The following DR1 variants were observed in gnomAD, a reference collection of about 807,000 sequenced individuals.
DR1 encodes the protein down-regulator of transcription 1, also known as protein Dr1.
A neutral mutation model predicts 19.9 loss-of-function variants in DR1; 7 were observed. The observed-to-expected ratio is 0.35, with a 90% CI of 0.20 to 0.66. DR1 has a LOEUF of 0.66. Ranked by LOEUF, DR1 falls within the 30% of genes least tolerant of loss-of-function variation. The pLI, the probability that DR1 is intolerant of heterozygous loss-of-function variation, is 0.66. For missense variants in DR1, 98 were observed against 203.7 expected, an observed-to-expected ratio of 0.48 and a Z score of 3.16; for synonymous variants, 76 against 72.5, an observed-to-expected ratio of 1.05 and a Z score of -0.24.
At position 93,363,219 on chromosome 1, in the gene DR1, A is replaced by G. The variant is rs1172957798; in HGVS notation, c.*2580A>G. 6.6e-6 allele frequency: 1 copy of G among 152,144 alleles called. No homozygotes were observed. The highest frequency in any genetic ancestry group is 1.9e-4 in the East Asian group (1 of 5,204). The allele number at this position is 152,144 out of a possible 1,614,324, so 9.4% of individuals were successfully genotyped here. A position where few individuals can be genotyped will look rare whatever the true frequency, so the allele number is the denominator to read the frequency against. ...GTCTTCTTTCTTGCTGAAAGTTACT[A>G]TCCTGACTTCTAAAATCATAGATTA... On this transcript the variant is annotated 3_prime_UTR_variant, in exon 3 of 3. Transcript: ENST00000370272.
intron 1 of DR1, among the ~76,000 whole-genome samples, chr1:93,353,114 T>C (rs1381639521): frequency 6.6e-6 from 1 of 151,960 alleles, no homozygotes; most frequent in African/African-American, 2.4e-5. Flanking sequence ...GCGGTGGTCT[T>C]GAACTCCTGG....
At position 93,346,487 on chromosome 1, in the gene DR1, C is replaced by T; in HGVS notation, c.-159C>T. On this transcript the variant is annotated 5_prime_UTR_variant, in exon 1 of 3. Transcript: ENST00000370272. ...TCTCACACACGCGAGTGTTCCCAGC[C>T]CTCAAGCCAGCTGCTCCTCCGTTCA... 1.6e-6 allele frequency: 1 copy of T among 625,330 alleles called. No homozygotes were observed. Among genetic ancestry groups the T allele is most frequent in the South Asian group, 1.9e-5 (1 of 51,564 alleles). 38.7% of individuals were successfully genotyped at this position (625,330 alleles called of 1,614,324 possible).
rs911883446 is a variant in DR1, at chr1:93,365,532, T to C, written c.*4893T>C. On this transcript the variant is annotated 3_prime_UTR_variant, in exon 3 of 3. Transcript: ENST00000370272. Reference sequence around the variant, plus strand: ...GCCAACTGTCCCTGGGTGTTGCGAGTATAGGAGGCAAAATTGCACCCTGTT... The same window carrying C: ...GCCAACTGTCCCTGGGTGTTGCGAGCATAGGAGGCAAAATTGCACCCTGTT... The C allele has an allele frequency of 6.6e-6, 1 of 152,174 alleles. No individual in the cohort carries two copies. The highest frequency in any genetic ancestry group is 1.9e-4 in the East Asian group (1 of 5,184). 9.4% of individuals were successfully genotyped at this position (152,174 alleles called of 1,614,324 possible).
chr1:93,368,858 A>G lies in DR1; in HGVS notation c.*8219A>G, dbSNP rs1246643941. On this transcript the variant is annotated 3_prime_UTR_variant, in exon 3 of 3. Coordinates refer to ENST00000370272, the MANE Select transcript of DR1 (RefSeq NM_001938.3). ...TATTATAAACATGTTGTAAGTGAGG[A>G]AACTAAGATTCCAAGAAATTAAGTA... 1 of 152,158 alleles carries G rather than the reference A, an allele frequency of 6.6e-6. No homozygotes were observed. Among genetic ancestry groups the G allele is most frequent in the African/African-American group, 2.4e-5 (1 of 41,444 alleles). 9.4% of individuals were successfully genotyped at this position (152,158 alleles called of 1,614,324 possible). A position where few individuals can be genotyped will look rare whatever the true frequency, so the allele number is the denominator to read the frequency against.
At chr1:93,349,239 A>G (rs1183316051) in intron 1 of DR1, among the ~76,000 whole-genome samples, 1 of 152,068 alleles carries the variant, frequency 6.6e-6, no homozygotes, top group Admixed American at 6.5e-5. Context: ...TATCACCAGT[A>G]TATCTATGAA....
In DR1 at chr1:93,346,883, G is replaced by T; in HGVS notation, c.220+18G>T. 6.3e-7 allele frequency: 1 copy of T among 1,593,298 alleles called. No homozygotes were observed. The highest frequency in any genetic ancestry group is 8.6e-7 in the Non-Finnish European group (1 of 1,166,816). The stretch of plus-strand genomic sequence containing the variant: ...CATACAAGGTAAGTCGTGTGTGAGA[G>T]CTGGTTTGAATGAGGTTCTAGGGTA... On this transcript the variant is annotated intron_variant, in intron 1 of 2. Transcript: ENST00000370272.
At chr1:93,356,207 A>G (rs971914076) in intron 2 of DR1, among the ~76,000 whole-genome samples, 1 of 147,640 alleles carries the variant, frequency 6.8e-6, no homozygotes, top group Non-Finnish European at 1.5e-5. Flanking sequence ...GTGGAAATGA[A>G]TACAAATAAA....
rs964462759 is a variant in DR1, at chr1:93,363,617, G to A, written c.*2978G>A. ...CTCTTCTGTAGTCAGATCTTTCCCT[G>A]CCTCTAAGTTTAGGGCTCACCTGCA... On this transcript the variant is annotated 3_prime_UTR_variant, in exon 3 of 3. Coordinates refer to ENST00000370272, the MANE Select transcript of DR1 (RefSeq NM_001938.3). 6.6e-6 allele frequency: 1 copy of A among 152,100 alleles called. No individual in the cohort carries two copies. Among genetic ancestry groups the A allele is most frequent in the African/African-American group, 2.4e-5 (1 of 41,410 alleles). The allele number at this position is 152,100 out of a possible 1,614,324, so 9.4% of individuals were successfully genotyped here.
chr1:93,352,367 G>C (rs999549440), intron 1 of DR1, among the ~76,000 whole-genome samples: 2 of 152,168 alleles, frequency 1.3e-5, no homozygotes, highest in Admixed American at 6.5e-5. Context: ...ACCGTGCCTG[G>C]CCATGTTGGT....
chr1:93,350,568 C>A (rs1570709222), intron 1 of DR1, among the ~76,000 whole-genome samples: 1 of 152,024 alleles, frequency 6.6e-6, no homozygotes. Context: ...TATGACAGAA[C>A]CTTTCAGGAG....
intron 1 of DR1, among the ~76,000 whole-genome samples, chr1:93,349,592 A>G (rs1288714119): frequency 6.6e-6 from 1 of 152,118 alleles, no homozygotes; most frequent in Admixed American, 6.5e-5. Flanking sequence ...GGGGTTGAGA[A>G]CCTTACATGA....
rs1442525438 is a variant in DR1, at chr1:93,363,793, A to G, written c.*3154A>G. 2.0e-5 allele frequency: 3 copies of G among 152,218 alleles called. No homozygotes were observed. Among genetic ancestry groups the G allele is most frequent in the Admixed American group, 2.0e-4 (3 of 15,290 alleles). 9.4% of individuals were successfully genotyped at this position (152,218 alleles called of 1,614,324 possible). A position where few individuals can be genotyped will look rare whatever the true frequency, so the allele number is the denominator to read the frequency against. ...TATTCAACCTGCCAAAGTGAGATCC[A>G]TTCTTATTGTTGCATGTATTTGTAG... is the stretch of plus-strand genomic sequence containing the variant. On this transcript the variant is annotated 3_prime_UTR_variant, in exon 3 of 3. Coordinates refer to ENST00000370272, the MANE Select transcript of DR1 (RefSeq NM_001938.3).
rs942949590 is a variant in DR1 at position 93,367,780 on chromosome 1, G to C, written c.*7141G>C. On this transcript the variant is annotated 3_prime_UTR_variant, in exon 3 of 3. Coordinates refer to ENST00000370272, the MANE Select transcript of DR1 (RefSeq NM_001938.3). ...TGTAATCCCAGCACTTTGGGAGGCC[G>C]AGGCGGGTGGATCACGAGGTCAGGA... 1 of 152,280 alleles carries C rather than the reference G, an allele frequency of 6.6e-6. No homozygotes were observed. Among genetic ancestry groups the C allele is most frequent in the Non-Finnish European group, 1.5e-5 (1 of 68,108 alleles). 9.4% of individuals were successfully genotyped at this position (152,280 alleles called of 1,614,324 possible).
rs1398406805 is a variant in DR1 at position 93,346,889 on chromosome 1, TTGAA to T, written c.220+28_220+31del. The T allele has an allele frequency of 1.9e-6, 3 of 1,578,668 alleles. No individual in the cohort carries two copies. In the East Asian group the frequency reaches 6.8e-5, roughly 36 times the overall value. ...AGGTAAGTCGTGTGTGAGAGCTGGT[TTGAA>T]TGAGGTTCTAGGGTAGCAGTCTGCT... On this transcript the variant is annotated intron_variant, in intron 1 of 2. Transcript: ENST00000370272.
intron 2 of DR1, among the ~76,000 whole-genome samples, chr1:93,356,786 A>C (rs1019979788): frequency 1.4e-5 from 2 of 147,784 alleles, no homozygotes; most frequent in Non-Finnish European, 3.0e-5. Context: ...CAGTGGTGCT[A>C]TCTCGGCTCA....
rs1156258971 is a variant in DR1 at position 93,362,192 on chromosome 1, G to T, written c.*1553G>T. On this transcript the variant is annotated 3_prime_UTR_variant, in exon 3 of 3. Coordinates refer to ENST00000370272, the MANE Select transcript of DR1 (RefSeq NM_001938.3). The stretch of plus-strand genomic sequence containing the variant: ...CATTTATTAAATATACTTCCCCCAT[G>T]AAGTGAAAAGGTTAATTTTGCTGAA... The T allele has an allele frequency of 7.9e-5, 12 of 152,530 alleles. No individual in the cohort carries two copies. The East Asian group carries it at 2.3e-3, about 29-fold the overall frequency. The allele number at this position is 152,530 out of a possible 1,614,324, so 9.4% of individuals were successfully genotyped here.
At chr1:93,354,335 GA>G (rs2101637381) in intron 2 of DR1, among the ~76,000 whole-genome samples, 1 of 152,224 alleles carries the variant, frequency 6.6e-6, no homozygotes, top group Non-Finnish European at 1.5e-5. Context: ...TTTAAGGCAT[GA>G]AAAGTATACC....
At chr1:93,358,023 T>C (rs531205437) in intron 2 of DR1, among the ~76,000 whole-genome samples, 7 of 152,270 alleles carry the variant, frequency 4.6e-5, no homozygotes, top group Non-Finnish European at 7.4e-5. Flanking sequence ...CCTGTAATCA[T>C]AGCACTTTAG....
intron 2 of DR1, 78 bp from the exon 3 acceptor site, chr1:93,360,415 T>A: frequency 7.2e-7 from 1 of 1,386,028 alleles, no homozygotes; most frequent in Non-Finnish European, 9.5e-7. Context: ...GAAATTGGCC[T>A]AATCTACATT....
Sources: gnomAD v4.1 joint callset for allele counts (sites outside exome capture counted in the v4.1 genomes callset) on GRCh38, gnomAD v4.1.1 for gene constraint, MANE v1.5 for transcripts, NCBI Gene and HGNC (gene_info 2026-07-23, HGNC 2026-07-21) for gene names.